The following RIMS1 variants were observed in gnomAD, a reference collection of about 807,000 sequenced individuals.
RIMS1 encodes regulating synaptic membrane exocytosis 1.
In RIMS1, 83 loss-of-function variants were observed where a neutral mutation model predicts 214.1. That is an observed-to-expected ratio of 0.39 (90% confidence interval 0.32 to 0.47). The LOEUF (loss-of-function observed/expected upper bound fraction) is 0.47, where lower values mean the gene tolerates loss of function less well. Among genes scored for constraint, RIMS1 ranks in the 20% least tolerant of loss-of-function variants. The probability of loss-of-function intolerance (pLI) is 0.99; values close to 1 mark genes in which losing one functional copy is unlikely to be tolerated. For missense variants in RIMS1, 2,050 were observed against 2,161.8 expected (o/e 0.95, Z 1.03); for synonymous variants, 793 against 786.8 (o/e 1.01, Z -0.13).
chr6:72,336,501 G>A (rs1398152405), intron 29 of RIMS1, among the ~76,000 whole-genome samples: 1 of 151,722 alleles, frequency 6.6e-6, no homozygotes, highest in East Asian at 1.9e-4. Context: ...CCAGTGTACA[G>A]GTGGAAAAAG....
chr6:72,049,249 G>A (rs1167251399), intron 2 of RIMS1, among the ~76,000 whole-genome samples: 6 of 152,074 alleles, frequency 3.9e-5, no homozygotes, highest in South Asian at 2.1e-4. Flanking sequence ...CCCTGTTGTG[G>A]GGAAACAAGT....
At chr6:71,890,596 A>AAAAAAT (rs1554194854) in intron 1 of RIMS1, among the ~76,000 whole-genome samples, 1 of 112,950 alleles carries the variant, frequency 8.9e-6, no homozygotes, top group Non-Finnish European at 1.8e-5. Flanking sequence ...AAAAAAAAAA[A>AAAAAAT]ACTTCATAGA....
intron 26 of RIMS1, among the ~76,000 whole-genome samples, chr6:72,299,864 G>A (rs2094453079): frequency 1.3e-5 from 2 of 151,770 alleles, no homozygotes; most frequent in South Asian, 4.1e-4. Flanking sequence ...CTGTCATTAA[G>A]TAGCAAAGGT....
At chr6:72,246,937 G>A (rs2070156967) in intron 11 of RIMS1, among the ~76,000 whole-genome samples, 2 of 152,088 alleles carry the variant, frequency 1.3e-5, no homozygotes, top group South Asian at 4.2e-4. Context: ...ATCACTAAAT[G>A]TTTTCGGAGG....
intron 19 of RIMS1, among the ~76,000 whole-genome samples, chr6:72,264,230 C>CA (rs369218090): frequency 1.1e-4 from 17 of 151,738 alleles, no homozygotes; most frequent in Admixed American, 2.6e-4. Context: ...ATTAAATTAT[C>CA]AAAAAAAATA....
intron 4 of RIMS1, among the ~76,000 whole-genome samples, chr6:72,170,580 T>C (rs2046894927): frequency 6.6e-6 from 1 of 152,046 alleles, no homozygotes; most frequent in Admixed American, 6.6e-5. Context: ...CCTGACCTTG[T>C]GATCCACCCG....
chr6:72,116,077 A>G (rs1255579685), intron 4 of RIMS1, among the ~76,000 whole-genome samples: 1 of 152,000 alleles, frequency 6.6e-6, no homozygotes, highest in Non-Finnish European at 1.5e-5. Flanking sequence ...TGAGATGACT[A>G]CTGAGGCAGT....
rs372227834 is a variant in RIMS1 at position 72,399,219 on chromosome 6, G to C, written c.4860+125G>C. 6.1e-6 allele frequency: 4 copies of C among 654,666 alleles called. No individual in the cohort carries two copies. The East Asian group carries it at 9.5e-5, about 16-fold the overall frequency. 40.6% of individuals were successfully genotyped at this position (654,666 alleles called of 1,614,324 possible). A position where few individuals can be genotyped will look rare whatever the true frequency, so the allele number is the denominator to read the frequency against. On this transcript the variant is annotated intron_variant, in intron 33 of 33. Coordinates refer to ENST00000521978, the MANE Select transcript of RIMS1 (RefSeq NM_014989.7). ...AAATGTAGGATAATATTCTTGAGTA[G>C]ACAAAATTCAAATGGTTAGTTTATA...
At chr6:71,955,134 G>A (rs1790851198) in intron 1 of RIMS1, among the ~76,000 whole-genome samples, 1 of 151,748 alleles carries the variant, frequency 6.6e-6, no homozygotes, top group South Asian at 2.1e-4. Flanking sequence ...CTAATTTTAA[G>A]CTATTATGAA....
At chr6:72,252,123 T>TAA (rs2073670329) in intron 15 of RIMS1, among the ~76,000 whole-genome samples, 1 of 152,186 alleles carries the variant, frequency 6.6e-6, no homozygotes, top group South Asian at 2.1e-4. Flanking sequence ...TTTCTGTACT[T>TAA]ATTGAGTAAT....
chr6:72,380,853 G>A (rs2098474872), intron 29 of RIMS1, among the ~76,000 whole-genome samples: 2 of 151,984 alleles, frequency 1.3e-5, no homozygotes, highest in Non-Finnish European at 2.9e-5. Context: ...TCTTATTTAA[G>A]GCAACCTGAA....
At chr6:72,367,086 A>AT (rs1363256355) in intron 29 of RIMS1, among the ~76,000 whole-genome samples, 1 of 152,242 alleles carries the variant, frequency 6.6e-6, no homozygotes, top group Non-Finnish European at 1.5e-5. Flanking sequence ...TAATTAAAAA[A>AT]TGATGTTGCA....
chr6:72,168,838 G>A (rs192183404), intron 4 of RIMS1, among the ~76,000 whole-genome samples: 1 of 149,180 alleles, frequency 6.7e-6, no homozygotes, highest in South Asian at 2.2e-4. Context: ...CTTGATAGTC[G>A]CCTGACATTC....
intron 4 of RIMS1, among the ~76,000 whole-genome samples, chr6:72,102,056 A>C (rs1298945407): frequency 6.6e-6 from 1 of 151,900 alleles, no homozygotes; most frequent in Non-Finnish European, 1.5e-5. Context: ...ATACTCTAAA[A>C]TTTCCCATAG....
intron 4 of RIMS1, among the ~76,000 whole-genome samples, chr6:72,118,180 T>C (rs2037463794): frequency 6.6e-6 from 1 of 151,098 alleles, no homozygotes; most frequent in African/African-American, 2.4e-5. Context: ...CTAGAAGAGA[T>C]GGATACATTC....
At position 72,251,355 on chromosome 6, in the gene RIMS1, C is replaced by CA; in HGVS notation, c.2690dup (p.Leu898AlafsTer9). 6.3e-7 allele frequency: 1 copy of CA among 1,589,986 alleles called. No individual in the cohort carries two copies. The highest frequency in any genetic ancestry group is 8.6e-7 in the Non-Finnish European group (1 of 1,168,366). The stretch of plus-strand genomic sequence containing the variant: ...GACATATTCATGGAGAAAGCTCTAG[C>CA]AAAAAGCTACAAAGTAGGTTAAGGT... On this transcript the variant is annotated frameshift_variant, in exon 15 of 34. Transcript: ENST00000521978. LOFTEE classifies it high-confidence loss of function.
chr6:72,253,215 T>A (rs867978046), intron 16 of RIMS1, among the ~76,000 whole-genome samples: 1 of 152,198 alleles, frequency 6.6e-6, no homozygotes, highest in Non-Finnish European at 1.5e-5. Flanking sequence ...CTGAAAATAA[T>A]GTAGCCCTCC....
intron 29 of RIMS1, among the ~76,000 whole-genome samples, chr6:72,347,308 G>A (rs1277354439): frequency 6.6e-6 from 1 of 151,832 alleles, no homozygotes; most frequent in Non-Finnish European, 1.5e-5. Context: ...ATCCCAGTAT[G>A]TAGCACAAAG....
intron 2 of RIMS1, among the ~76,000 whole-genome samples, chr6:72,088,272 G>A (rs1360860867): frequency 2.1e-5 from 3 of 143,894 alleles, no homozygotes; most frequent in Admixed American, 6.9e-5. Flanking sequence ...TTTTGAGACC[G>A]AGTCTCACTC....
Sources: gnomAD v4.1 joint callset for allele counts (sites outside exome capture counted in the v4.1 genomes callset) on GRCh38, gnomAD v4.1.1 for gene constraint, MANE v1.5 for transcripts, NCBI Gene and HGNC (gene_info 2026-07-23, HGNC 2026-07-21) for gene names.